Variants in SEPTIN7 observed in about 807,000 individuals in gnomAD.
SEPTIN7 encodes the protein septin-7.
SEPTIN7 carries 10 observed loss-of-function variants against 63.3 expected under a neutral mutation model. That is an observed-to-expected ratio of 0.16 (90% CI 0.10 to 0.27). The LOEUF (loss-of-function observed/expected upper bound fraction) is 0.27, where lower values mean the gene tolerates loss of function less well. SEPTIN7 is among the 10% of genes least tolerant of loss of function. The pLI is 1.00. For missense variants in SEPTIN7, 310 were observed against 521.0 expected (o/e 0.59, Z 3.94); for synonymous variants, 131 against 165.3 (o/e 0.79, Z 1.59).
At position 35,820,678 on chromosome 7, in the gene SEPTIN7, T is replaced by G. The variant is rs544011103; in HGVS notation, c.62-10814T>G. On this transcript the variant is annotated intron_variant, in intron 1 of 13. Transcript: ENST00000350320. ...TTGAACATATCTAAAATAGCAGGTT[T>G]AAAGTATTTGTTTAATGTCTGGGCT... Among the ~76,000 whole-genome samples the G allele has an allele frequency of 2.0e-5, 3 of 152,354 alleles. No homozygotes were observed. In the South Asian group the frequency reaches 6.2e-4, roughly 32 times the overall value.
chr7:35,821,571 T>C (rs989989475), intron 1 of SEPTIN7, among the ~76,000 whole-genome samples: 3 of 152,230 alleles, frequency 2.0e-5, no homozygotes, highest in African/African-American at 7.2e-5. Context: ...TGAATATTCT[T>C]TTATCTTAAT....
At chr7:35,848,495 C>T (rs1784806274) in intron 3 of SEPTIN7, among the ~76,000 whole-genome samples, 1 of 152,006 alleles carries the variant, frequency 6.6e-6, no homozygotes, top group African/African-American at 2.4e-5. Flanking sequence ...TGGTCTTGAT[C>T]TCCTGACCTC....
intron 1 of SEPTIN7, among the ~76,000 whole-genome samples, chr7:35,813,169 G>T (rs1788836275): frequency 6.6e-6 from 1 of 152,016 alleles, no homozygotes; most frequent in Non-Finnish European, 1.5e-5. Flanking sequence ...CCAATCTAAG[G>T]CTCAGAAAGG....
chr7:35,870,386 G>A (rs1786073658), intron 4 of SEPTIN7, among the ~76,000 whole-genome samples: 1 of 152,018 alleles, frequency 6.6e-6, no homozygotes, highest in African/African-American at 2.4e-5. Context: ...GGCTTCGTTT[G>A]GTAATAAAGG....
intron 3 of SEPTIN7, among the ~76,000 whole-genome samples, chr7:35,854,864 C>A (rs1393927502): frequency 6.6e-6 from 1 of 151,964 alleles, no homozygotes; most frequent in Non-Finnish European, 1.5e-5. Flanking sequence ...TGTTTCATAA[C>A]CTTTCCCATC....
chr7:35,860,503 TACCTTCAGTA>T (rs1785448139), intron 3 of SEPTIN7, among the ~76,000 whole-genome samples: 3 of 152,258 alleles, frequency 2.0e-5, no homozygotes, highest in South Asian at 4.1e-4. Context: ...CCTGAAGGAC[TACCTTCAGTA>T]TTTCTTGTAG....
the SEPTIN7 span, among the ~76,000 whole-genome samples, chr7:35,914,612 AT>A: frequency 5.3e-5 from 8 of 149,962 alleles, no homozygotes; most frequent in East Asian, 1.6e-3. Context: ...CTTACAATAA[AT>A]CTCTCTCTCT....
At position 35,903,142 on chromosome 7, in the gene SEPTIN7, C is replaced by T. The variant is rs1446796189; in HGVS notation, c.1201C>T (p.Arg401Cys). 12 of 1,598,158 alleles carry T rather than the reference C, an allele frequency of 7.5e-6. No homozygotes were observed. Among genetic ancestry groups the T allele is most frequent in the South Asian group, 2.3e-5 (2 of 88,512 alleles). The change falls in exon 13 of 14, where the codon CGT becomes TGT. Residue 401 changes from arginine to cysteine, a missense_variant. Coordinates refer to ENST00000350320, the MANE Select transcript of SEPTIN7 (RefSeq NM_001788.6). The part of the protein sequence containing the change: ...EAQHKELEEK[R>C]RQFEDEKANW... The stretch of plus-strand genomic sequence containing the variant: ...ACAGCACAAAGAATTGGAGGAAAAA[C>T]GTCGTCAGTTCGAGGATGAGAAAGC...
At chr7:35,902,866 G>T in intron 12 of SEPTIN7, 2 of 562,458 alleles carry the variant, frequency 3.6e-6, no homozygotes, top group Non-Finnish European at 5.4e-6. Flanking sequence ...TGTTTCCCAA[G>T]ATTATTGTCT....
intron 6 of SEPTIN7, 44 bp from the exon 7 acceptor site, chr7:35,879,779 C>G (rs1320766794): frequency 4.6e-6 from 5 of 1,091,540 alleles, no homozygotes; most frequent in Non-Finnish European, 6.9e-6. Flanking sequence ...ATCTTGTTCT[C>G]CCAAACTGAT....
intron 1 of SEPTIN7, among the ~76,000 whole-genome samples, chr7:35,822,509 T>C (rs1789486861): frequency 6.6e-6 from 1 of 152,182 alleles, no homozygotes; most frequent in Non-Finnish European, 1.5e-5. Context: ...TAGGGTTCAC[T>C]CTCCAATGAG....
At chr7:35,805,260 A>G (rs1788258051) in intron 1 of SEPTIN7, among the ~76,000 whole-genome samples, 1 of 152,208 alleles carries the variant, frequency 6.6e-6, no homozygotes, top group Admixed American at 6.5e-5. Flanking sequence ...CACAGGTGAT[A>G]TGAATTTTTT....
intron 3 of SEPTIN7, among the ~76,000 whole-genome samples, chr7:35,849,958 T>C (rs1784881624): frequency 2.0e-5 from 3 of 152,260 alleles, no homozygotes; most frequent in Admixed American, 2.0e-4. Flanking sequence ...GTTAATGTAA[T>C]CTGGCATATT....
chr7:35,836,859 G>A (rs757060516), intron 3 of SEPTIN7, among the ~76,000 whole-genome samples: 28 of 151,980 alleles, frequency 1.8e-4, no homozygotes, highest in African/African-American at 5.1e-4. Context: ...TGTTAATTCC[G>A]TGAAATGTTT....
In SEPTIN7 at chr7:35,851,107, G is replaced by A. The variant is rs187981147; in HGVS notation, c.170-12445G>A. On this transcript the variant is annotated intron_variant, in intron 3 of 13. Coordinates refer to ENST00000350320, the MANE Select transcript of SEPTIN7 (RefSeq NM_001788.6). ...ATAGGTGATGAATGTTTTATTTTTA[G>A]GCTTGAAATTTAACATTCTTGAGTA... Among the ~76,000 whole-genome samples, 473 of 152,140 alleles carry A rather than the reference G, an allele frequency of 3.1e-3. 4 individuals carry two copies. The highest frequency in any genetic ancestry group is 0.011 in the African/African-American group (455 of 41,536).
Position 35,903,189 on chromosome 7 carries a change from T to C in SEPTIN7, c.1248T>C (p.Arg416=). ...DEKANWEAQQ[R]ILEQQNSSRT... ...AAGCAAACTGGGAAGCTCAACAACG[T>C]ATTTTAGAACAACAGAACTCTTCAA... is the stretch of plus-strand genomic sequence containing the variant. Residue 416 remains arginine (R), a synonymous_variant, in exon 13 of 14, where the codon CGT becomes CGC. Transcript: ENST00000350320. 6.3e-7 allele frequency: 1 copy of C among 1,599,192 alleles called. No individual in the cohort carries two copies. Among genetic ancestry groups the C allele is most frequent in the Non-Finnish European group, 8.5e-7 (1 of 1,174,148 alleles).
intron 1 of SEPTIN7, among the ~76,000 whole-genome samples, chr7:35,824,324 CTT>C (rs1230048779): frequency 6.6e-6 from 1 of 152,082 alleles, no homozygotes; most frequent in African/African-American, 2.4e-5. Context: ...TCTGGGAACT[CTT>C]TGATTCTTCT....
At chr7:35,901,110 G>A (rs1788295086) in intron 12 of SEPTIN7, 1 of 152,174 alleles carries the variant, frequency 6.6e-6, no homozygotes, top group African/African-American at 2.4e-5. Flanking sequence ...GGAAATACTT[G>A]TTTGGGGCAC....
At chr7:35,838,162 G>A (rs571097187) in intron 3 of SEPTIN7, among the ~76,000 whole-genome samples, 1 of 151,970 alleles carries the variant, frequency 6.6e-6, no homozygotes, top group African/African-American at 2.4e-5. Flanking sequence ...TTTGTTGTTG[G>A]TAGGCATTGA....
Sources: allele counts gnomAD v4.1 joint callset (sites outside exome capture counted in the v4.1 genomes callset), GRCh38; gene constraint gnomAD v4.1.1; transcripts MANE v1.5; gene names NCBI Gene and HGNC (gene_info 2026-07-23, HGNC 2026-07-21).